CAPN6: variants seen among roughly 807,000 people sequenced by gnomAD.
The protein encoded by CAPN6 is calpain-6.
In CAPN6, 16 loss-of-function variants were observed where a neutral mutation model predicts 46.0. The observed-to-expected ratio is 0.35, with a 90% confidence interval of 0.24 to 0.53. The LOEUF is 0.53. CAPN6 is among the 20% of genes least tolerant of loss of function. CAPN6 has a pLI of 0.94. For synonymous variants in CAPN6, 206 were observed against 172.8 expected (o/e 1.19, Z -1.51); for missense variants, 461 against 498.0 (o/e 0.93, Z 0.71).
At chrX:111,247,555 T>C (rs377113336) in intron 11 of CAPN6, 51 bp from the exon 12 acceptor site, 20 of 1,146,281 alleles carry the variant, frequency 1.7e-5, no homozygotes, top group Non-Finnish European at 2.2e-5. Flanking sequence ...GTTCCTTTTC[T>C]AGATAGACAA....
At chrX:111,261,370 A>G (rs2094987821) in intron 2 of CAPN6, among the ~76,000 whole-genome samples, 2 of 112,767 alleles carry the variant, frequency 1.8e-5, no homozygotes, top group African/African-American at 6.4e-5. Context: ...TCAGAATTGC[A>G]TCAAAGTAAC....
intron 5 of CAPN6, 51 bp downstream of exon 5, chrX:111,252,256 T>A: frequency 1.0e-6 from 1 of 990,858 alleles, no homozygotes; most frequent in Middle Eastern, 2.8e-4. Context: ...AACTTTGTAG[T>A]CTCTTCTGCC....
At chrX:111,263,342 T>C (rs750436258) in intron 2 of CAPN6, among the ~76,000 whole-genome samples, 1 of 111,950 alleles carries the variant, frequency 8.9e-6, no homozygotes, top group Admixed American at 9.5e-5. Context: ...GAATGGATCT[T>C]AGATTAATTT....
At chrX:111,265,331 T>C (rs1358078022) in intron 1 of CAPN6, among the ~76,000 whole-genome samples, 1 of 112,685 alleles carries the variant, frequency 8.9e-6, no homozygotes, top group Non-Finnish European at 1.9e-5. Context: ...GCAATGTATG[T>C]ACAACAAACT....
intron 11 of CAPN6, 78 bp downstream of exon 11, chrX:111,247,793 T>C: frequency 9.0e-7 from 1 of 1,107,452 alleles, no homozygotes; most frequent in Non-Finnish European, 1.2e-6. Context: ...GAGAAAATCA[T>C]TTGTGATCAT....
chrX:111,259,854 G>A (rs570631710), intron 2 of CAPN6, among the ~76,000 whole-genome samples: 145 of 111,838 alleles, frequency 1.3e-3, no homozygotes, highest in Non-Finnish European at 2.3e-3. Context: ...GTGGGTAGGA[G>A]GGGAGAGTGG....
At chrX:111,250,787 T>C in intron 8 of CAPN6, 130 bp downstream of exon 8, 1 of 611,645 alleles carries the variant, frequency 1.6e-6, no homozygotes, top group Non-Finnish European at 2.6e-6. Flanking sequence ...GGATCCTGGT[T>C]GTTGAATATT....
At chrX:111,246,818 C>G in intron 12 of CAPN6, 59 bp from the exon 13 acceptor site, 1 of 939,516 alleles carries the variant, frequency 1.1e-6, no homozygotes, top group East Asian at 3.1e-5. Flanking sequence ...TAGCCTTTGC[C>G]CAGTGACATC....
chrX:111,262,888 G>A (rs1019737369), intron 2 of CAPN6, among the ~76,000 whole-genome samples: 1 of 111,994 alleles, frequency 8.9e-6, no homozygotes, highest in African/African-American at 3.2e-5. Flanking sequence ...TCTACTTGAA[G>A]CCCACTTGTC....
chrX:111,267,752 C>A (rs992318838), intron 1 of CAPN6, among the ~76,000 whole-genome samples: 5 of 111,571 alleles, frequency 4.5e-5, no homozygotes, highest in South Asian at 7.6e-4. Context: ...AGGCATTGTT[C>A]CTGCCTAGTT....
In CAPN6 at chrX:111,270,412, T is replaced by TGCTGCTGCTGCTGCC; in HGVS notation, c.-72_-58dup. On this transcript the variant is annotated 5_prime_UTR_variant, in exon 1 of 13. Coordinates refer to ENST00000324068, the MANE Select transcript of CAPN6 (RefSeq NM_014289.4). ...GCCCTGCTGCTGCTGCTGCTGCTGC[T>TGCTGCTGCTGCTGCC]GCTGCTGCTGCTGCCGTTGCCGCTG... The TGCTGCTGCTGCTGCC allele has an allele frequency of 2.8e-6, 1 of 352,799 alleles. No homozygotes were observed. The highest frequency in any genetic ancestry group is 2.2e-5 in the African/African-American group (1 of 45,824). The allele number at this position is 352,799 out of a possible 1,213,427, so 29.1% of individuals were successfully genotyped here. A position where few individuals can be genotyped will look rare whatever the true frequency, so the allele number is the denominator to read the frequency against.
At position 111,245,369 on chromosome X, in the gene CAPN6, G is replaced by C. The variant is rs925022799; in HGVS notation, c.*1208C>G. On this transcript the variant is annotated 3_prime_UTR_variant, in exon 13 of 13. Coordinates refer to ENST00000324068, the MANE Select transcript of CAPN6 (RefSeq NM_014289.4). ...CATTTATACTGGGCCTTGAAGGAGG[G>C]GCAGAAAGTTGATAGGTTAAGATGG... 3.6e-5 allele frequency: 4 copies of C among 110,210 alleles called. No individual in the cohort carries two copies. Among genetic ancestry groups the C allele is most frequent in the African/African-American group, 1.3e-4 (4 of 30,179 alleles). The allele number at this position is 110,210 out of a possible 1,213,427, so 9.1% of individuals were successfully genotyped here. A position where few individuals can be genotyped will look rare whatever the true frequency, so the allele number is the denominator to read the frequency against.
intron 2 of CAPN6, among the ~76,000 whole-genome samples, chrX:111,255,661 TCTC>T (rs766413612): frequency 8.9e-6 from 1 of 112,081 alleles, no homozygotes; most frequent in Non-Finnish European, 1.9e-5. Context: ...TGGCCATAAT[TCTC>T]CTTGACGAAG....
intron 5 of CAPN6, 110 bp downstream of exon 5, chrX:111,252,197 A>G (rs2094980128): frequency 6.7e-6 from 4 of 601,182 alleles, no homozygotes; most frequent in Non-Finnish European, 1.0e-5. Context: ...TCCAAGTCCC[A>G]TTAATAGTTT....
rs768150366 is a variant in CAPN6 at position 111,248,650 on chromosome X, A to T, written c.1403T>A (p.Val468Glu). 8.3e-7 allele frequency: 1 copy of T among 1,210,114 alleles called. No individual in the cohort carries two copies. The highest frequency in any genetic ancestry group is 1.1e-6 in the Non-Finnish European group (1 of 894,838). Residue 468 changes from valine to glutamate, a missense_variant, in exon 10 of 13, where the codon GTG becomes GAG. By Grantham distance (121) the Val-to-Glu change is moderately radical. Transcript: ENST00000324068. ...ATGCTGGAACATGGTTGGGACAAGC[A>T]CATAGTTGCCCTTCTTCAGGTACTT... ...LSKYLKKGNY[V>E]LVPTMFQHGR...
At chrX:111,258,035 C>T (rs1238975258) in intron 2 of CAPN6, among the ~76,000 whole-genome samples, 1 of 111,974 alleles carries the variant, frequency 8.9e-6, no homozygotes, top group Non-Finnish European at 1.9e-5. Context: ...GTTCTCTTAG[C>T]TTAGTCTTAA....
intron 1 of CAPN6, among the ~76,000 whole-genome samples, chrX:111,268,790 A>G (rs192784894): frequency 8.9e-6 from 1 of 112,282 alleles, no homozygotes; most frequent in African/African-American, 3.2e-5. Flanking sequence ...GTTAGAAATC[A>G]CTTAGTACAA....
intron 2 of CAPN6, among the ~76,000 whole-genome samples, chrX:111,255,585 C>G (rs1384490270): frequency 8.9e-6 from 1 of 112,920 alleles, no homozygotes; most frequent in African/African-American, 3.2e-5. Context: ...GGAATCTAGA[C>G]ATATATCCTT....
At chrX:111,255,581 T>C (rs2094983080) in intron 2 of CAPN6, among the ~76,000 whole-genome samples, 1 of 113,084 alleles carries the variant, frequency 8.8e-6, no homozygotes, top group South Asian at 3.6e-4. Context: ...AAATGGAATC[T>C]AGACATATAT....
Sources: allele counts gnomAD v4.1 joint callset (sites outside exome capture counted in the v4.1 genomes callset), GRCh38; gene constraint gnomAD v4.1.1; transcripts MANE v1.5; gene names NCBI Gene and HGNC (gene_info 2026-07-23, HGNC 2026-07-21).